Variants in COP1 observed in about 807,000 individuals in gnomAD.
COP1 encodes the protein E3 ubiquitin-protein ligase COP1.
COP1 carries 24 observed loss-of-function variants against 101.3 expected under a neutral mutation model. The ratio of observed to expected loss-of-function variants is 0.24; its 90% CI spans 0.17 to 0.33. COP1 has a LOEUF of 0.33. Among genes scored for constraint, COP1 ranks in the 10% least tolerant of loss-of-function variants. The pLI is 1.00. For missense variants in COP1, 663 were observed against 906.2 expected, an observed-to-expected ratio of 0.73 and a Z score of 3.45; for synonymous variants, 347 against 341.9, an observed-to-expected ratio of 1.01 and a Z score of -0.17.
intron 14 of COP1, among the ~76,000 whole-genome samples, chr1:176,033,335 G>C (rs924188969): frequency 1.3e-5 from 2 of 152,194 alleles, no homozygotes; most frequent in African/African-American, 4.8e-5. Flanking sequence ...GCTGAGGCAG[G>C]AGAACTGCTT....
At position 176,177,348 on chromosome 1, in the gene COP1, T is replaced by C. The variant is rs190363157; in HGVS notation, c.468-1341A>G. 2.3e-3 allele frequency among the ~76,000 whole-genome samples: 337 copies of C among 144,908 alleles called. 1 individual carries two copies. The highest frequency in any genetic ancestry group is 8.2e-3 in the African/African-American group (322 of 39,378). ...GTCAAACTGGTATGAGAAAAAAATA[T>C]TAAAAAAAAAAAAGAAAAAAGAAAA... On this transcript the variant is annotated intron_variant, in intron 2 of 19. Transcript: ENST00000367669.
At chr1:176,163,327 G>A (rs908210819) in intron 4 of COP1, among the ~76,000 whole-genome samples, 1 of 152,120 alleles carries the variant, frequency 6.6e-6, no homozygotes, top group Non-Finnish European at 1.5e-5. Context: ...AAGCTCATTT[G>A]CCTCCATAAT....
At chr1:176,193,065 C>T (rs1261643682) in intron 1 of COP1, among the ~76,000 whole-genome samples, 1 of 152,074 alleles carries the variant, frequency 6.6e-6, no homozygotes, top group Non-Finnish European at 1.5e-5. Flanking sequence ...CCCTTAACTT[C>T]CCTTTGGCTA....
At chr1:175,948,486 T>C (rs941255525) in intron 18 of COP1, among the ~76,000 whole-genome samples, 2 of 152,238 alleles carry the variant, frequency 1.3e-5, no homozygotes, top group African/African-American at 2.4e-5. Flanking sequence ...TCAGGCTTCA[T>C]GACAAAGCAA....
chr1:176,166,894 G>A (rs918913925), intron 3 of COP1, among the ~76,000 whole-genome samples: 1 of 152,060 alleles, frequency 6.6e-6, no homozygotes, highest in Non-Finnish European at 1.5e-5. Flanking sequence ...CCATGGTCAC[G>A]CCACTGTACT....
chr1:176,082,872 A>G (rs960726852), intron 10 of COP1, among the ~76,000 whole-genome samples: 4 of 152,114 alleles, frequency 2.6e-5, no homozygotes, highest in Non-Finnish European at 5.9e-5. Flanking sequence ...AAACTGAGTG[A>G]GCTTTTGTCC....
Position 175,949,232 on chromosome 1 carries a change from T to C in COP1, c.2134-1993A>G, listed in dbSNP as rs116088794. ...ACAATACTCACTATTAGAATTAACTTTGGAATATTATGGGCTATTTCTGGG... is the reference window on the plus strand; with the variant it reads ...ACAATACTCACTATTAGAATTAACTCTGGAATATTATGGGCTATTTCTGGG... On this transcript the variant is annotated intron_variant, in intron 18 of 19. Coordinates refer to ENST00000367669, the MANE Select transcript of COP1 (RefSeq NM_022457.7). 9.4e-3 allele frequency among the ~76,000 whole-genome samples: 1,244 copies of C among 131,726 alleles called. 21 individuals carry two copies. Among genetic ancestry groups the C allele is most frequent in the African/African-American group, 0.031 (1,085 of 35,086 alleles). 86.4% of individuals were successfully genotyped at this position (131,726 alleles called of 152,430 possible). A position where few individuals can be genotyped will look rare whatever the true frequency, so the allele number is the denominator to read the frequency against.
chr1:176,160,366 A>C (rs1400283503), intron 5 of COP1: 6 of 259,388 alleles, frequency 2.3e-5, no homozygotes, highest in African/African-American at 1.4e-4. Context: ...ATGGGCAAAG[A>C]CTTCATGACT....
At chr1:176,007,575 A>G (rs1339354959) in intron 15 of COP1, among the ~76,000 whole-genome samples, 1 of 151,494 alleles carries the variant, frequency 6.6e-6, no homozygotes, top group East Asian at 1.9e-4. Context: ...CAGGACCCTC[A>G]GCTGCAGGTC....
chr1:176,116,696 G>T lies in COP1; in HGVS notation c.969-15C>A. On this transcript the variant is annotated splice_polypyrimidine_tract_variant and intron_variant, in intron 8 of 19. Transcript: ENST00000367669. The stretch of plus-strand genomic sequence containing the variant: ...CAATAATACTACTGCAAAATGAAGA[G>T]AAAAAAATGTGATTTCAGTATTTAC... 1.3e-6 allele frequency: 2 copies of T among 1,575,290 alleles called. No individual in the cohort carries two copies. Among genetic ancestry groups the T allele is most frequent in the East Asian group, 4.6e-5 (2 of 43,890 alleles).
intron 1 of COP1, among the ~76,000 whole-genome samples, chr1:176,202,737 G>T (rs1324735059): frequency 6.6e-6 from 1 of 151,914 alleles, no homozygotes; most frequent in Non-Finnish European, 1.5e-5. Flanking sequence ...CATTTTTAGT[G>T]CTAAAATGTA....
intron 11 of COP1, among the ~76,000 whole-genome samples, chr1:176,059,350 A>C (rs1408274780): frequency 1.3e-5 from 2 of 152,228 alleles, no homozygotes; most frequent in African/African-American, 4.8e-5. Flanking sequence ...CCATCTCCTT[A>C]TTTTAACCAT....
chr1:176,012,666 T>C (rs1444111382), intron 15 of COP1, among the ~76,000 whole-genome samples: 3 of 152,106 alleles, frequency 2.0e-5, no homozygotes, highest in African/African-American at 7.2e-5. Context: ...TATAAAGGTG[T>C]ACCATTTTTT....
chr1:176,152,169 C>T (rs891210529), intron 5 of COP1, among the ~76,000 whole-genome samples: 5 of 151,828 alleles, frequency 3.3e-5, no homozygotes, highest in South Asian at 2.1e-4. Flanking sequence ...CATGTGCCTA[C>T]GGTCCCAGCT....
chr1:176,055,192 G>A lies in COP1; in HGVS notation c.1278-8868C>T, dbSNP rs578188661. On this transcript the variant is annotated intron_variant, in intron 11 of 19. Transcript: ENST00000367669. Reference sequence around the variant, plus strand: ...CTCAAGCCTGTAATCCCATCACTTCGGGAGGCCGAGACAGGTGGATAACCT... The same window carrying A: ...CTCAAGCCTGTAATCCCATCACTTCAGGAGGCCGAGACAGGTGGATAACCT... 3.3e-5 allele frequency among the ~76,000 whole-genome samples: 5 copies of A among 152,320 alleles called. No homozygotes were observed. The East Asian group carries it at 5.8e-4, about 18-fold the overall frequency.
chr1:175,960,162 C>G (rs747463588), intron 18 of COP1, among the ~76,000 whole-genome samples: 1 of 152,084 alleles, frequency 6.6e-6, no homozygotes, highest in Admixed American at 6.6e-5. Context: ...AATTTATATA[C>G]GACAATCTGT....
intron 9 of COP1, among the ~76,000 whole-genome samples, chr1:176,106,583 G>A (rs1215299506): frequency 6.6e-6 from 1 of 152,116 alleles, no homozygotes; most frequent in Non-Finnish European, 1.5e-5. Context: ...TGATTAACTG[G>A]CCCATCTGAT....
chr1:175,955,766 C>CACACACACACACA (rs1553275347), intron 18 of COP1, among the ~76,000 whole-genome samples: 1 of 129,192 alleles, frequency 7.7e-6, no homozygotes, highest in African/African-American at 2.8e-5. Context: ...TAGAGACAAA[C>CACACACACACACA]CACACACACA....
chr1:176,163,383 T>C (rs1317237006), intron 4 of COP1, among the ~76,000 whole-genome samples: 1 of 152,220 alleles, frequency 6.6e-6, no homozygotes, highest in Non-Finnish European at 1.5e-5. Flanking sequence ...AGGTTTGTTT[T>C]GTTTTTGTTT....
Sources: allele counts gnomAD v4.1 joint callset (sites outside exome capture counted in the v4.1 genomes callset), GRCh38; gene constraint gnomAD v4.1.1; transcripts MANE v1.5; gene names NCBI Gene and HGNC (gene_info 2026-07-23, HGNC 2026-07-21).